The following WFDC8 variants were observed in gnomAD, a reference collection of about 807,000 sequenced individuals.
WFDC8 encodes WAP four-disulfide core domain 8, also known as WAP four-disulfide core domain protein 8.
Under a neutral mutation model 27.0 loss-of-function variants are expected in WFDC8, and 24 were observed. The observed-to-expected ratio is 0.89, with a 90% CI of 0.64 to 1.25. WFDC8 has a LOEUF of 1.25. WFDC8 is among the 50% of genes most tolerant of loss of function. The pLI, the probability that WFDC8 is intolerant of heterozygous loss-of-function variation, is 0.00. For synonymous variants in WFDC8, 106 were observed against 99.7 expected (o/e 1.06, Z -0.38); for missense variants, 287 against 295.9 (o/e 0.97, Z 0.22).
At chr20:45,561,862 T>C (rs370247519) in intron 2 of WFDC8, among the ~76,000 whole-genome samples, 35 of 152,170 alleles carry the variant, frequency 2.3e-4, no homozygotes, top group African/African-American at 8.4e-4. Flanking sequence ...GGATCATCCC[T>C]AGTAGATGCA....
chr20:45,579,185 A>G, intron 1 of WFDC8, 37 bp downstream of exon 1: 2 of 1,609,570 alleles, frequency 1.2e-6, no homozygotes, highest in East Asian at 2.2e-5. Flanking sequence ...CAGACCCTCC[A>G]TGTCTGGCTA....
intron 1 of WFDC8, chr20:45,568,806 A>C (rs1039163629): frequency 7.6e-6 from 3 of 395,252 alleles, no homozygotes; most frequent in Non-Finnish European, 1.6e-5. Flanking sequence ...ACACAAAGAC[A>C]TAATAGGATA....
chr20:45,570,014 A>G (rs1279597653), intron 1 of WFDC8, among the ~76,000 whole-genome samples: 3 of 152,180 alleles, frequency 2.0e-5, no homozygotes, highest in Admixed American at 2.0e-4. Flanking sequence ...GAAGGGAACA[A>G]CAGACACTGA....
chr20:45,552,256 T>C lies in WFDC8; in HGVS notation c.587-91A>G. On this transcript the variant is annotated intron_variant, in intron 5 of 5. Transcript: ENST00000289953. ...GAATCTTGGGAATCTCAAACAAGGT[T>C]TTATTCTGATTAAGCTTCTTACCTT... The C allele has an allele frequency of 2.7e-6, 4 of 1,484,314 alleles. No homozygotes were observed. In the South Asian group the frequency reaches 5.0e-5, roughly 19 times the overall value. The allele number at this position is 1,484,314 out of a possible 1,614,324, so 91.9% of individuals were successfully genotyped here.
intron 1 of WFDC8, among the ~76,000 whole-genome samples, chr20:45,564,582 G>A (rs1341474789): frequency 6.6e-6 from 1 of 151,880 alleles, no homozygotes; most frequent in East Asian, 1.9e-4. Flanking sequence ...GCTGAGGCAG[G>A]ACAATGGCGT....
At chr20:45,564,285 CACT>C (rs1183824149) in intron 1 of WFDC8, among the ~76,000 whole-genome samples, 2 of 152,172 alleles carry the variant, frequency 1.3e-5, no homozygotes, top group Non-Finnish European at 2.9e-5. Context: ...ATAAATAACA[CACT>C]AGGTTCTGGG....
At chr20:45,578,724 T>G (rs2145581309) in intron 1 of WFDC8, among the ~76,000 whole-genome samples, 1 of 152,330 alleles carries the variant, frequency 6.6e-6, no homozygotes, top group South Asian at 2.1e-4. Flanking sequence ...TGAATAATAA[T>G]ATAACCCATC....
In WFDC8 at chr20:45,555,788, A is replaced by C; in HGVS notation, c.358T>G (p.Cys120Gly). Reference sequence around the variant, plus strand: ...CAGCCCCTGTATTTGAAGGGTGTGCAGCGGTAATTTTTAAAGTCAAAATGC... The same window carrying C: ...CAGCCCCTGTATTTGAAGGGTGTGCCGCGGTAATTTTTAAAGTCAAAATGC... ...RWHFDFKNYR[C>G]TPFKYRGCEG... Residue 120 changes from cysteine to glycine, a missense_variant, in exon 4 of 6, where the codon TGC (cysteine) becomes GGC (glycine). Cys to Gly is a radical substitution (Grantham distance 159). Transcript: ENST00000289953. The C allele has an allele frequency of 6.2e-7, 1 of 1,613,848 alleles. No individual in the cohort carries two copies. Among genetic ancestry groups the C allele is most frequent in the Non-Finnish European group, 8.5e-7 (1 of 1,180,006 alleles).
At chr20:45,577,690 G>A (rs1330543904) in intron 1 of WFDC8, among the ~76,000 whole-genome samples, 6 of 147,206 alleles carry the variant, frequency 4.1e-5, no homozygotes, top group Non-Finnish European at 9.0e-5. Flanking sequence ...GAGCCACCGC[G>A]CCTGGCCTAT....
At chr20:45,551,258 A>G (rs1980023628), downstream of WFDC8, 1 of 152,182 alleles carries the variant, frequency 6.6e-6, no homozygotes, top group Non-Finnish European at 1.5e-5. Context: ...ATGTGACTGT[A>G]TGCTTAAAAG....
chr20:45,571,424 G>A (rs560283652), intron 1 of WFDC8, among the ~76,000 whole-genome samples: 12 of 151,970 alleles, frequency 7.9e-5, no homozygotes, highest in East Asian at 3.9e-4. Context: ...TACACATTGC[G>A]GAATGGTTAT....
intron 5 of WFDC8, among the ~76,000 whole-genome samples, chr20:45,552,627 A>C (rs1462795311): frequency 1.3e-5 from 2 of 152,214 alleles, no homozygotes; most frequent in Admixed American, 6.5e-5. Context: ...TTAGAACCTT[A>C]AAGCCACACC....
At chr20:45,565,726 C>T (rs1305199212) in intron 1 of WFDC8, among the ~76,000 whole-genome samples, 2 of 152,150 alleles carry the variant, frequency 1.3e-5, no homozygotes, top group African/African-American at 4.8e-5. Flanking sequence ...GCCACTGTGC[C>T]TTTTGCTGTC....
rs960091754 is a variant in WFDC8, at chr20:45,574,760, T to C, written c.26+4462A>G. On this transcript the variant is annotated intron_variant, in intron 1 of 5. Transcript: ENST00000289953. ...TTGCAGTGAACCAAGATCGTGCCGC[T>C]GCACTCTAGCCTGAGTGACAAAGCG... 2.6e-5 allele frequency among the ~76,000 whole-genome samples: 4 copies of C among 152,204 alleles called. No homozygotes were observed. In the South Asian group the frequency reaches 6.2e-4, roughly 24 times the overall value.
chr20:45,562,204 A>G lies in WFDC8; in HGVS notation c.42T>C (p.His14=). ...CATTCCTCCAGGAGAAGGTGGGGCT[A>G]TGGAGAGGAAAGTGCCTGTATGGAT... ...VRTEGGHFPL[H]SPTFSWRNVA... The change falls in exon 2 of 6, where the codon CAT becomes CAC. Residue 14 remains histidine, a synonymous_variant. Coordinates refer to ENST00000289953, the MANE Select transcript of WFDC8 (RefSeq NM_130896.3). 6.2e-7 allele frequency: 1 copy of G among 1,614,148 alleles called. No homozygotes were observed. Among genetic ancestry groups the G allele is most frequent in the Non-Finnish European group, 8.5e-7 (1 of 1,179,990 alleles).
intron 4 of WFDC8, among the ~76,000 whole-genome samples, chr20:45,553,887 G>C (rs577185018): frequency 1.8e-4 from 27 of 152,326 alleles, no homozygotes; most frequent in Non-Finnish European, 2.4e-4. Context: ...TTGATAAAGA[G>C]AGGCATCAAC....
intron 1 of WFDC8, among the ~76,000 whole-genome samples, chr20:45,566,673 A>G (rs1298758790): frequency 6.6e-6 from 1 of 152,190 alleles, no homozygotes; most frequent in Admixed American, 6.5e-5. Flanking sequence ...AAAAACAAAA[A>G]ACAAAAAATA....
chr20:45,566,561 G>T (rs377412429), intron 1 of WFDC8, among the ~76,000 whole-genome samples: 215 of 152,268 alleles, frequency 1.4e-3, no homozygotes, highest in African/African-American at 4.4e-3. Context: ...TACTCGGGAG[G>T]CTGAGGCAGG....
downstream of WFDC8, chr20:45,551,461 C>G (rs59898302): frequency 5.3e-5 from 8 of 152,126 alleles, no homozygotes; most frequent in Non-Finnish European, 1.0e-4. Context: ...AACCCCATCT[C>G]TACTAAAAAT....
Sources: gnomAD v4.1 joint callset for allele counts (sites outside exome capture counted in the v4.1 genomes callset) on GRCh38, gnomAD v4.1.1 for gene constraint, MANE v1.5 for transcripts, NCBI Gene and HGNC (gene_info 2026-07-23, HGNC 2026-07-21) for gene names.